SHTN1: variants seen among roughly 807,000 people sequenced by gnomAD.
SHTN1 encodes the protein shootin-1.
In SHTN1, 42 loss-of-function variants were observed where a neutral mutation model predicts 83.1. That is an observed-to-expected ratio of 0.51 (90% confidence interval 0.39 to 0.65). SHTN1 has a LOEUF of 0.65. Ranked by LOEUF, SHTN1 falls within the 30% of genes least tolerant of loss-of-function variation. The pLI is 0.00. For synonymous variants in SHTN1, 224 were observed against 247.7 expected (o/e 0.90, Z 0.90); for missense variants, 622 against 737.8 (o/e 0.84, Z 1.82).
intron 2 of SHTN1, among the ~76,000 whole-genome samples, chr10:117,027,323 C>T (rs1032174485): frequency 9.9e-5 from 15 of 152,192 alleles, no homozygotes; most frequent in Middle Eastern, 3.4e-3. Context: ...GAGTGTGGCA[C>T]TTCCCTCTCA....
chr10:116,996,715 C>T (rs1187332935), intron 1 of SHTN1, among the ~76,000 whole-genome samples: 3 of 152,126 alleles, frequency 2.0e-5, no homozygotes, highest in Admixed American at 6.6e-5. Context: ...AGAGATCACC[C>T]ATAACACCAC....
rs146371745 is a variant in SHTN1, at chr10:116,970,280, A to G, written c.112-1568T>C. ...TCAGCAATTCTACTTCTAGGTGTAT[A>G]TACCCAGAGAATCTCTAGTAATGTA... On this transcript the variant is annotated intron_variant, in intron 2 of 16. Coordinates refer to ENST00000355371, the MANE Select transcript of SHTN1 (RefSeq NM_001127211.3). Among the ~76,000 whole-genome samples the G allele has an allele frequency of 7.9e-5, 12 of 152,344 alleles. No individual in the cohort carries two copies. In the East Asian group the frequency reaches 2.3e-3, roughly 29 times the overall value.
At chr10:117,078,587 G>A (rs1853199540) in intron 1 of SHTN1, among the ~76,000 whole-genome samples, 1 of 152,156 alleles carries the variant, frequency 6.6e-6, no homozygotes, top group Admixed American at 6.6e-5. Flanking sequence ...ACTTAGCTTT[G>A]ATCCATTGTG....
At chr10:117,039,823 A>C (rs1194520685) in intron 2 of SHTN1, among the ~76,000 whole-genome samples, 1 of 149,888 alleles carries the variant, frequency 6.7e-6, no homozygotes, top group African/African-American at 2.5e-5. Flanking sequence ...CCTGCACTCC[A>C]GCCTGGGCAA....
intron 1 of SHTN1, chr10:117,048,578 G>A: frequency 1.8e-6 from 1 of 542,794 alleles, no homozygotes; most frequent in Non-Finnish European, 2.3e-6. Context: ...TAAGCATACT[G>A]CATATTAAAC....
intron 1 of SHTN1, among the ~76,000 whole-genome samples, chr10:116,983,966 C>T (rs1851137730): frequency 6.6e-6 from 1 of 152,194 alleles, no homozygotes; most frequent in African/African-American, 2.4e-5. Flanking sequence ...AGCTGCAAAT[C>T]ATGACATAGC....
chr10:117,120,430 A>AGTAGAGACGGG (rs1853906258), intron 1 of SHTN1, among the ~76,000 whole-genome samples: 1 of 151,918 alleles, frequency 6.6e-6, no homozygotes, highest in Non-Finnish European at 1.5e-5. Flanking sequence ...TTGTATTTTT[A>AGTAGAGACGGG]GTAGAGACGG....
intron 16 of SHTN1, 134 bp from the exon 17 acceptor site, chr10:116,886,700 A>G: frequency 8.3e-7 from 1 of 1,198,842 alleles, no homozygotes; most frequent in Non-Finnish European, 1.2e-6. Flanking sequence ...GTAGTCTTTG[A>G]GATGCCAGCC....
In SHTN1 at chr10:116,960,172, C is replaced by T. The variant is rs774226570; in HGVS notation, c.231G>A (p.Lys77=). Reference sequence around the variant, plus strand: ...AAGCTTCAGCACTTTCTCGACAAGTCTTCTCTATTTCAAGATGGTTCTGCA... The same window carrying T: ...AAGCTTCAGCACTTTCTCGACAAGTTTTCTCTATTTCAAGATGGTTCTGCA... ...NFMQNHLEIE[K]TCRESAEALA... Residue 77 remains lysine, a synonymous_variant, in exon 4 of 17, where the codon AAG becomes AAA. Coordinates refer to ENST00000355371, the MANE Select transcript of SHTN1 (RefSeq NM_001127211.3). The T allele has an allele frequency of 1.2e-6, 2 of 1,611,870 alleles. No homozygotes were observed. The highest frequency in any genetic ancestry group is 1.7e-6 in the Non-Finnish European group (2 of 1,178,284).
In SHTN1 at chr10:116,921,521, G is replaced by A. The variant is rs201246883; in HGVS notation, c.1113-5C>T. ...CGGATCATGGACATGAGGGATCTTT[G>A]GGAGAAAGAAAAAGATCAACAGGAG... On this transcript the variant is annotated splice_region_variant and splice_polypyrimidine_tract_variant and intron_variant, in intron 11 of 16. Coordinates refer to ENST00000355371, the MANE Select transcript of SHTN1 (RefSeq NM_001127211.3). 1 of 1,608,042 alleles carries A rather than the reference G, an allele frequency of 6.2e-7. No individual in the cohort carries two copies. The highest frequency in any genetic ancestry group is 2.2e-5 in the East Asian group (1 of 44,768).
chr10:117,113,585 G>A lies in SHTN1; in HGVS notation c.-189+12722C>T, dbSNP rs932794180. 1.1e-4 allele frequency among the ~76,000 whole-genome samples: 16 copies of A among 151,926 alleles called. 1 individual carries two copies. Among genetic ancestry groups the A allele is most frequent in the East Asian group, 3.9e-4 (2 of 5,188 alleles). Reference sequence around the variant, plus strand: ...TCTACTTTACTAGGTAACCATATGCGTTCATGCTCAGAGACATTAACTTAC... The same window carrying A: ...TCTACTTTACTAGGTAACCATATGCATTCATGCTCAGAGACATTAACTTAC... On this transcript the variant is annotated intron_variant, in intron 1 of 17. Transcript: ENST00000392901.
rs1019464122 is a variant in SHTN1, at chr10:116,882,170, A to G, written c.*4174T>C. 6.6e-6 allele frequency: 1 copy of G among 152,286 alleles called. No individual in the cohort carries two copies. Among genetic ancestry groups the G allele is most frequent in the African/African-American group, 2.4e-5 (1 of 41,440 alleles). 9.4% of individuals were successfully genotyped at this position (152,286 alleles called of 1,614,324 possible). A position where few individuals can be genotyped will look rare whatever the true frequency, so the allele number is the denominator to read the frequency against. The stretch of plus-strand genomic sequence containing the variant: ...AGCATCACCATTTTTTGTAAGAGCC[A>G]ATTTCATCTCACTTTCCTACCCTTG... On this transcript the variant is annotated 3_prime_UTR_variant, in exon 17 of 17. Coordinates refer to ENST00000355371, the MANE Select transcript of SHTN1 (RefSeq NM_001127211.3).
chr10:117,036,258 A>G (rs1365159110), intron 2 of SHTN1, among the ~76,000 whole-genome samples: 1 of 152,204 alleles, frequency 6.6e-6, no homozygotes, highest in Non-Finnish European at 1.5e-5. Context: ...AAGAGCTACC[A>G]TATGATCCAG....
At chr10:117,116,148 A>G (rs1853842804) in intron 1 of SHTN1, among the ~76,000 whole-genome samples, 1 of 152,110 alleles carries the variant, frequency 6.6e-6, no homozygotes. Context: ...TGAAAAGATA[A>G]GCAAAAATTG....
At chr10:117,057,855 A>T (rs933070244) in intron 1 of SHTN1, among the ~76,000 whole-genome samples, 3 of 152,214 alleles carry the variant, frequency 2.0e-5, no homozygotes, top group African/African-American at 7.2e-5. Flanking sequence ...TCAGTTTTCA[A>T]CAAAACATCA....
intron 2 of SHTN1, among the ~76,000 whole-genome samples, chr10:117,014,876 T>C (rs1002731446): frequency 2.0e-5 from 3 of 152,232 alleles, no homozygotes; most frequent in Non-Finnish European, 4.4e-5. Flanking sequence ...ATGTGGTATT[T>C]TAGTTTTAAA....
chr10:117,095,197 G>A (rs1414105690), intron 1 of SHTN1, among the ~76,000 whole-genome samples: 1 of 152,136 alleles, frequency 6.6e-6, no homozygotes, highest in African/African-American at 2.4e-5. Context: ...ATTAGGCAGT[G>A]ACCAACAAAA....
In SHTN1 at chr10:116,905,976, T is replaced by A. The variant is rs190542583; in HGVS notation, c.1480+651A>T. Among the ~76,000 whole-genome samples, 156 of 152,320 alleles carry A rather than the reference T, an allele frequency of 1.0e-3. 1 individual carries two copies. The highest frequency in any genetic ancestry group is 3.7e-3 in the African/African-American group (154 of 41,586). ...CCAGACTCGCTCAGATGGTACATTA[T>A]AGTCAGTGACAGAGCTGGAATTTCC... On this transcript the variant is annotated intron_variant, in intron 15 of 16. Transcript: ENST00000355371.
At chr10:117,109,162 C>T (rs186411822) in intron 1 of SHTN1, among the ~76,000 whole-genome samples, 2 of 152,132 alleles carry the variant, frequency 1.3e-5, no homozygotes, top group Admixed American at 6.5e-5. Context: ...AATACTGATG[C>T]CTTGGTCCCA....
Sources: gnomAD v4.1 joint callset for allele counts (sites outside exome capture counted in the v4.1 genomes callset) on GRCh38, gnomAD v4.1.1 for gene constraint, MANE v1.5 for transcripts, NCBI Gene and HGNC (gene_info 2026-07-23, HGNC 2026-07-21) for gene names.